The following SGCZ variants were observed in gnomAD, a reference collection of about 807,000 sequenced individuals.
SGCZ encodes zeta-sarcoglycan.
A neutral mutation model predicts 41.3 loss-of-function variants in SGCZ; 40 were observed. The ratio of observed to expected loss-of-function variants is 0.97; its 90% CI spans 0.75 to 1.26. The LOEUF (loss-of-function observed/expected upper bound fraction) is 1.26. Among genes scored for constraint, SGCZ ranks in the 50% most tolerant of loss-of-function variants. The pLI is 0.00. For synonymous variants in SGCZ, 206 were observed against 137.5 expected (o/e 1.50, Z -3.49); for missense variants, 552 against 369.8 (o/e 1.49, Z -4.04).
At chr8:14,621,735 C>T (rs978855837) in intron 1 of SGCZ, among the ~76,000 whole-genome samples, 1 of 152,034 alleles carries the variant, frequency 6.6e-6, no homozygotes, top group Non-Finnish European at 1.5e-5. Flanking sequence ...ATCAGGAAGA[C>T]AGCATGGGGG....
At chr8:14,284,862 T>C (rs553988999) in intron 3 of SGCZ, among the ~76,000 whole-genome samples, 30 of 152,294 alleles carry the variant, frequency 2.0e-4, no homozygotes, top group Admixed American at 3.9e-4. Flanking sequence ...GCTGAGATCA[T>C]CTGTATGTTT....
chr8:14,816,410 C>G (rs952988343), intron 1 of SGCZ, among the ~76,000 whole-genome samples: 1 of 152,198 alleles, frequency 6.6e-6, no homozygotes, highest in African/African-American at 2.4e-5. Context: ...TCAGACTTCA[C>G]TGGTTAGTCA....
In SGCZ at chr8:14,885,289, G is replaced by A. The variant is rs1019595488; in HGVS notation, c.40-330363C>T. Among the ~76,000 whole-genome samples the A allele has an allele frequency of 3.3e-5, 5 of 152,174 alleles. 1 individual carries two copies. The highest frequency in any genetic ancestry group is 4.1e-4 in the South Asian group (2 of 4,828). The stretch of plus-strand genomic sequence containing the variant: ...GTACCAGCACAGTGGATGATTCATA[G>A]TGGGTGTTTGGGGATTAATTAATAC... On this transcript the variant is annotated intron_variant, in intron 1 of 7. Transcript: ENST00000382080.
intron 1 of SGCZ, among the ~76,000 whole-genome samples, chr8:15,211,641 T>G (rs75743138): frequency 6.6e-6 from 1 of 152,084 alleles, no homozygotes; most frequent in Non-Finnish European, 1.5e-5. Context: ...CATACCTTCT[T>G]CTATGTGATC....
intron 1 of SGCZ, among the ~76,000 whole-genome samples, chr8:14,642,316 A>T (rs1807052611): frequency 6.6e-6 from 1 of 151,658 alleles, no homozygotes. Context: ...CTGTTATAAA[A>T]TTATATAAGA....
intron 4 of SGCZ, among the ~76,000 whole-genome samples, chr8:14,210,612 G>A (rs561653114): frequency 7.3e-4 from 110 of 151,628 alleles, no homozygotes; most frequent in Middle Eastern, 6.8e-3. Context: ...ACAGGCATGC[G>A]TCACCACTCT....
intron 7 of SGCZ, among the ~76,000 whole-genome samples, chr8:14,094,966 C>G (rs1282614526): frequency 1.9e-5 from 2 of 105,972 alleles, no homozygotes; most frequent in Admixed American, 1.0e-4. Flanking sequence ...ATCCTTTGCC[C>G]ACTTTTTGAT....
intron 2 of SGCZ, among the ~76,000 whole-genome samples, chr8:14,337,059 G>C (rs929392165): frequency 2.6e-5 from 4 of 152,102 alleles, no homozygotes; most frequent in Non-Finnish European, 5.9e-5. Flanking sequence ...CTGTGAGTGA[G>C]TATTCTCTGT....
chr8:14,426,083 TC>T (rs1449178192), intron 2 of SGCZ, among the ~76,000 whole-genome samples: 2 of 152,166 alleles, frequency 1.3e-5, no homozygotes, highest in African/African-American at 2.4e-5. Context: ...CATTATTTGT[TC>T]CTTCAACAAA....
chr8:14,570,389 T>A (rs180993359), intron 1 of SGCZ, among the ~76,000 whole-genome samples: 11 of 152,314 alleles, frequency 7.2e-5, no homozygotes, highest in African/African-American at 2.6e-4. Flanking sequence ...AAATCTTAAA[T>A]TTCAATACTC....
intron 4 of SGCZ, among the ~76,000 whole-genome samples, chr8:14,218,039 A>G (rs1806061453): frequency 6.6e-6 from 1 of 152,180 alleles, no homozygotes; most frequent in Non-Finnish European, 1.5e-5. Flanking sequence ...AGGGTAAAAT[A>G]TTGAAAAATT....
intron 1 of SGCZ, among the ~76,000 whole-genome samples, chr8:14,724,091 T>A (rs1386171676): frequency 6.6e-6 from 1 of 152,096 alleles, no homozygotes; most frequent in East Asian, 1.9e-4. Context: ...TCAAGTAAAT[T>A]ATGATGTAAA....
rs150623298 is a variant in SGCZ, at chr8:15,106,815, A to C, written c.39+130770T>G. 4.9e-4 allele frequency among the ~76,000 whole-genome samples: 74 copies of C among 152,178 alleles called. 1 individual carries two copies. The highest frequency in any genetic ancestry group is 1.6e-3 in the African/African-American group (68 of 41,560). The stretch of plus-strand genomic sequence containing the variant: ...ACTCATCATTCTTGTTTCCCACTTT[A>C]CTGGGAAATCTGTTTCACAACTAAT... On this transcript the variant is annotated intron_variant, in intron 1 of 7. Coordinates refer to ENST00000382080, the MANE Select transcript of SGCZ (RefSeq NM_139167.4).
intron 1 of SGCZ, among the ~76,000 whole-genome samples, chr8:15,041,928 C>T (rs755905824): frequency 2.2e-4 from 34 of 152,090 alleles, no homozygotes; most frequent in Middle Eastern, 3.4e-3. Context: ...ACCTTTTCAA[C>T]GATGAAACTA....
chr8:14,200,889 A>G (rs950313521), intron 4 of SGCZ, among the ~76,000 whole-genome samples: 2 of 152,192 alleles, frequency 1.3e-5, no homozygotes, highest in African/African-American at 4.8e-5. Context: ...TTGCAGAATT[A>G]CATATCTGAT....
At chr8:15,081,033 C>A (rs1038032267) in intron 1 of SGCZ, among the ~76,000 whole-genome samples, 8 of 152,090 alleles carry the variant, frequency 5.3e-5, no homozygotes, top group African/African-American at 1.9e-4. Context: ...CTGCCAACAC[C>A]TTGATCTTCG....
intron 2 of SGCZ, among the ~76,000 whole-genome samples, chr8:14,408,948 A>AGTGTGTGTGT (rs775874986): frequency 0.062 from 6,996 of 112,078 alleles, 492 homozygotes; most frequent in African/African-American, 0.19. Flanking sequence ...TTTTAAATTA[A>AGTGTGTGTGT]GAGAGTGTGT....
At chr8:14,454,400 A>G (rs1800684120) in intron 2 of SGCZ, among the ~76,000 whole-genome samples, 1 of 152,092 alleles carries the variant, frequency 6.6e-6, no homozygotes, top group Non-Finnish European at 1.5e-5. Context: ...TTCAGGAAAA[A>G]ACCTTCACTG....
At chr8:14,180,643 G>C (rs66915985) in intron 4 of SGCZ, among the ~76,000 whole-genome samples, 36,697 of 151,826 alleles carry the variant, frequency 0.24, 6,184 homozygotes, top group African/African-American at 0.47. Context: ...CTCCCTAAAG[G>C]GATACAAACT....
Sources: allele counts gnomAD v4.1 joint callset (sites outside exome capture counted in the v4.1 genomes callset), GRCh38; gene constraint gnomAD v4.1.1; transcripts MANE v1.5; gene names NCBI Gene and HGNC (gene_info 2026-07-23, HGNC 2026-07-21).